The following NXN variants were observed in gnomAD, a reference collection of about 807,000 sequenced individuals.
NXN encodes the protein nucleoredoxin 1.
NXN carries 16 observed loss-of-function variants against 48.6 expected under a neutral mutation model. The observed-to-expected ratio is 0.33, with a 90% CI of 0.22 to 0.50. NXN has a LOEUF of 0.50. NXN is among the 20% of genes least tolerant of loss of function. The probability of loss-of-function intolerance (pLI) is 0.98; values close to 1 mark genes in which losing one functional copy is unlikely to be tolerated. For synonymous variants in NXN, 281 were observed against 269.6 expected (o/e 1.04, Z -0.41); for missense variants, 492 against 605.5 (o/e 0.81, Z 1.97).
intron 1 of NXN, among the ~76,000 whole-genome samples, chr17:918,645 T>C (rs1180427235): frequency 1.3e-5 from 2 of 151,788 alleles, no homozygotes; most frequent in African/African-American, 2.4e-5. Context: ...ATACAAAAAT[T>C]ATCCAGGCGC....
chr17:898,948 C>T lies in NXN; in HGVS notation c.361-72870G>A, dbSNP rs2068512329. 2.9e-5 allele frequency among the ~76,000 whole-genome samples: 2 copies of T among 68,696 alleles called. 1 individual carries two copies. Among genetic ancestry groups the T allele is most frequent in the South Asian group, 7.4e-4 (2 of 2,712 alleles). 45.1% of individuals were successfully genotyped at this position (68,696 alleles called of 152,430 possible). Reference sequence around the variant, plus strand: ...ACAGGGCTGGGATTCTGCCTCTGTGCATGCTTTTTTTTTTTTTCTTTTTTT... The same window carrying T: ...ACAGGGCTGGGATTCTGCCTCTGTGTATGCTTTTTTTTTTTTTCTTTTTTT... On this transcript the variant is annotated intron_variant, in intron 1 of 7. Coordinates refer to ENST00000336868, the MANE Select transcript of NXN (RefSeq NM_022463.5).
At chr17:885,953 G>A (rs1191278075) in intron 1 of NXN, among the ~76,000 whole-genome samples, 3 of 151,928 alleles carry the variant, frequency 2.0e-5, no homozygotes, top group African/African-American at 7.3e-5. Flanking sequence ...CTCCCAAAGT[G>A]CTGGGATTAT....
intron 1 of NXN, among the ~76,000 whole-genome samples, chr17:903,287 C>T (rs1174025869): frequency 1.3e-5 from 2 of 152,110 alleles, no homozygotes; most frequent in African/African-American, 4.8e-5. Flanking sequence ...CTCACTGCAA[C>T]CTCCTCTTCC....
chr17:939,089 G>C (rs1394974038), intron 1 of NXN, among the ~76,000 whole-genome samples: 1 of 151,956 alleles, frequency 6.6e-6, no homozygotes, highest in Non-Finnish European at 1.5e-5. Context: ...CAAATGAAAG[G>C]AAAATGAGAG....
chr17:866,742 G>A (rs937920988), intron 1 of NXN, among the ~76,000 whole-genome samples: 1 of 152,206 alleles, frequency 6.6e-6, no homozygotes, highest in African/African-American at 2.4e-5. Flanking sequence ...ACCCTATCAA[G>A]CAAGGACTTT....
At chr17:817,654 G>A (rs1408715083) in intron 5 of NXN, among the ~76,000 whole-genome samples, 3 of 145,814 alleles carry the variant, frequency 2.1e-5, no homozygotes, top group African/African-American at 7.7e-5. Context: ...GGGCGACAGA[G>A]CAAGACTCCA....
chr17:957,856 C>T (rs912676586), intron 1 of NXN, among the ~76,000 whole-genome samples: 2 of 152,100 alleles, frequency 1.3e-5, no homozygotes, highest in African/African-American at 4.8e-5. Flanking sequence ...TGCAAACAGA[C>T]CCCCGCAGTC....
At chr17:903,112 T>C (rs1295043184) in intron 1 of NXN, among the ~76,000 whole-genome samples, 2 of 152,102 alleles carry the variant, frequency 1.3e-5, no homozygotes, top group Admixed American at 6.6e-5. Flanking sequence ...ACCCACAATA[T>C]TGAACACAAT....
At chr17:951,752 GCCCC>G (rs887728485) in intron 1 of NXN, among the ~76,000 whole-genome samples, 11 of 152,180 alleles carry the variant, frequency 7.2e-5, no homozygotes, top group African/African-American at 2.7e-4. Flanking sequence ...AGCAGGGCCA[GCCCC>G]AGAGGGGCGG....
intron 1 of NXN, among the ~76,000 whole-genome samples, chr17:976,312 A>G (rs2069457656): frequency 6.6e-6 from 1 of 152,158 alleles, no homozygotes; most frequent in South Asian, 2.1e-4. Context: ...AATTAATAAA[A>G]GAAAAAAAGA....
chr17:897,903 A>T (rs1235326237), intron 1 of NXN, among the ~76,000 whole-genome samples: 1 of 151,566 alleles, frequency 6.6e-6, no homozygotes, highest in Non-Finnish European at 1.5e-5. Context: ...CTGGTCTCGA[A>T]CTCCTCACCT....
At chr17:859,490 GA>G (rs199779425) in intron 1 of NXN, among the ~76,000 whole-genome samples, 1 of 150,128 alleles carries the variant, frequency 6.7e-6, no homozygotes, top group African/African-American at 2.4e-5. Flanking sequence ...TTATTCAAAA[GA>G]AAAAAAAATG....
chr17:934,700 C>T (rs1205965031), intron 1 of NXN, among the ~76,000 whole-genome samples: 1 of 151,610 alleles, frequency 6.6e-6, no homozygotes, highest in African/African-American at 2.4e-5. Context: ...ACGGTGAAAC[C>T]CCATCTCTAC....
chr17:818,576 T>C (rs1020451276), intron 5 of NXN, among the ~76,000 whole-genome samples: 2 of 152,114 alleles, frequency 1.3e-5, no homozygotes, highest in African/African-American at 4.8e-5. Flanking sequence ...CTGTGCTCCG[T>C]GTCCCAATCA....
intron 1 of NXN, among the ~76,000 whole-genome samples, chr17:832,935 G>A (rs186822850): frequency 0.025 from 3,815 of 152,118 alleles, 74 homozygotes; most frequent in Non-Finnish European, 0.041. Flanking sequence ...CTGTCCCCCA[G>A]GCTGGAGTGC....
chr17:959,759 A>G (rs1232459900), intron 1 of NXN, among the ~76,000 whole-genome samples: 1 of 147,524 alleles, frequency 6.8e-6, no homozygotes, highest in Non-Finnish European at 1.5e-5. Context: ...GCGCCACCAC[A>G]CTCCAGCCTG....
intron 1 of NXN, among the ~76,000 whole-genome samples, chr17:933,988 A>G (rs1169119581): frequency 2.0e-5 from 3 of 152,244 alleles, no homozygotes; most frequent in Admixed American, 1.3e-4. Context: ...ATGCCTCACT[A>G]TGTGATTTAA....
intron 1 of NXN, among the ~76,000 whole-genome samples, chr17:845,430 A>G (rs1347692530): frequency 6.6e-6 from 1 of 151,986 alleles, no homozygotes; most frequent in Non-Finnish European, 1.5e-5. Flanking sequence ...CTAGAATCCT[A>G]CCGTCATCAC....
chr17:905,998 G>T (rs1340724711), intron 1 of NXN, among the ~76,000 whole-genome samples: 3 of 151,244 alleles, frequency 2.0e-5, no homozygotes, highest in African/African-American at 4.8e-5. Context: ...AAAGAAAAAG[G>T]TAAAAAGGTA....
Sources: gnomAD v4.1 joint callset for allele counts (sites outside exome capture counted in the v4.1 genomes callset) on GRCh38, gnomAD v4.1.1 for gene constraint, MANE v1.5 for transcripts, NCBI Gene and HGNC (gene_info 2026-07-23, HGNC 2026-07-21) for gene names.